The following NOX5 variants were observed in gnomAD, a reference collection of about 807,000 sequenced individuals.
NOX5 encodes the protein NADPH oxidase 5.
In NOX5, 76 loss-of-function variants were observed where a neutral mutation model predicts 85.7. The observed-to-expected ratio is 0.89, with a 90% CI of 0.74 to 1.07. The LOEUF (loss-of-function observed/expected upper bound fraction) is 1.07. Ranked by LOEUF, NOX5 falls within the 50% of genes least tolerant of loss-of-function variation. The pLI, the probability that NOX5 is intolerant of heterozygous loss-of-function variation, is 0.00. For missense variants in NOX5, 973 were observed against 999.5 expected (o/e 0.97, Z 0.36); for synonymous variants, 405 against 401.4 (o/e 1.01, Z -0.11).
chr15:69,047,247 G>A (rs928321801), intron 11 of NOX5, 166 bp from the exon 12 acceptor site: 135 of 798,872 alleles, frequency 1.7e-4, no homozygotes, highest in Non-Finnish European at 4.7e-5. Flanking sequence ...GAGAGCACAG[G>A]ATGTGGAAAG....
chr15:69,036,826 G>A (rs1256657336), intron 7 of NOX5, among the ~76,000 whole-genome samples: 1 of 152,128 alleles, frequency 6.6e-6, no homozygotes, highest in Non-Finnish European at 1.5e-5. Flanking sequence ...TCTGGTATCA[G>A]GAATCTTCCC....
Position 69,031,674 on chromosome 15 carries a change from T to C in NOX5, c.482T>C (p.Leu161Pro), listed in dbSNP as rs775877032. 1.9e-6 allele frequency: 3 copies of C among 1,613,378 alleles called. No individual in the cohort carries two copies. The highest frequency in any genetic ancestry group is 1.7e-6 in the Non-Finnish European group (2 of 1,179,920). The change falls in exon 4 of 16, where the codon CTG (leucine) becomes CCG (proline). Residue 161 changes from leucine to proline, a missense_variant. Coordinates refer to ENST00000388866, the MANE Select transcript of NOX5 (RefSeq NM_024505.4). ...QSCLRESAIS[L>P]PDEKLDQLTL... ...TGTCTGCGCGAGAGCGCCATCTCGCTGCCTGACGAGAAGCTGGACCAGCTG... is the reference window on the plus strand; with the variant it reads ...TGTCTGCGCGAGAGCGCCATCTCGCCGCCTGACGAGAAGCTGGACCAGCTG...
At chr15:69,054,488 C>T (rs1473724078) in intron 14 of NOX5, among the ~76,000 whole-genome samples, 1 of 152,208 alleles carries the variant, frequency 6.6e-6, no homozygotes, top group East Asian at 1.9e-4. Flanking sequence ...AGACCCTTCT[C>T]ATTCTGGCCT....
At position 69,028,129 on chromosome 15, in the gene NOX5, C is replaced by T. The variant is rs1041300616; in HGVS notation, c.175-86C>T. On this transcript the variant is annotated intron_variant, in intron 2 of 15. Coordinates refer to ENST00000388866, the MANE Select transcript of NOX5 (RefSeq NM_024505.4). Reference sequence around the variant, plus strand: ...TCTGTGGTGCACCCCCCCACCACCACCCCAGACACAGGGAGACAGTGAACA... The same window carrying T: ...TCTGTGGTGCACCCCCCCACCACCATCCCAGACACAGGGAGACAGTGAACA... 12 of 1,445,444 alleles carry T rather than the reference C, an allele frequency of 8.3e-6. No homozygotes were observed. In the Admixed American group the frequency reaches 9.0e-5, roughly 11 times the overall value. 89.5% of individuals were successfully genotyped at this position (1,445,444 alleles called of 1,614,324 possible).
In NOX5 at chr15:69,060,217, C is replaced by G. The variant is rs2050859776; in HGVS notation, c.*3521C>G. On this transcript the variant is annotated 3_prime_UTR_variant, in exon 16 of 16. Coordinates refer to ENST00000388866, the MANE Select transcript of NOX5 (RefSeq NM_024505.4). The stretch of plus-strand genomic sequence containing the variant: ...AAGTGCAGGCTATTAATACACTGAG[C>G]TGGGGCATTCGTGGGAGGGGAGGGG... The G allele has an allele frequency of 6.6e-6, 1 of 152,254 alleles. No homozygotes were observed. Among genetic ancestry groups the G allele is most frequent in the Non-Finnish European group, 1.5e-5 (1 of 68,070 alleles). 9.4% of individuals were successfully genotyped at this position (152,254 alleles called of 1,614,324 possible). A position where few individuals can be genotyped will look rare whatever the true frequency, so the allele number is the denominator to read the frequency against.
intron 14 of NOX5, among the ~76,000 whole-genome samples, chr15:69,049,639 T>C (rs2050722831): frequency 6.6e-6 from 1 of 152,176 alleles, no homozygotes; most frequent in Non-Finnish European, 1.5e-5. Context: ...TTTATTTTTG[T>C]AATTTATCTT....
chr15:69,038,025 A>G (rs1204289901), intron 8 of NOX5: 5 of 152,500 alleles, frequency 3.3e-5, no homozygotes, highest in Admixed American at 3.3e-4. Flanking sequence ...GTTCTTGCAA[A>G]TACAAAGATG....
At chr15:69,020,151 T>C (rs1240815592) in intron 1 of NOX5, among the ~76,000 whole-genome samples, 1 of 152,222 alleles carries the variant, frequency 6.6e-6, no homozygotes, top group African/African-American at 2.4e-5. Flanking sequence ...CAATACCTAA[T>C]AAAAGCATTT....
intron 2 of NOX5, among the ~76,000 whole-genome samples, chr15:69,027,041 C>T (rs1246166186): frequency 6.6e-6 from 1 of 152,116 alleles, no homozygotes; most frequent in African/African-American, 2.4e-5. Context: ...CTACCCTGCC[C>T]ACCCCACACA....
rs192145027 is a variant in NOX5, at chr15:69,053,797, G to T, written c.2000-1537G>T. ...CCTTCTCTCCTCTTACCCCTCTCTG[G>T]GGTATGGTGACTCTGAGGGAGGGTA... On this transcript the variant is annotated intron_variant, in intron 14 of 15. Transcript: ENST00000388866. Among the ~76,000 whole-genome samples the T allele has an allele frequency of 3.3e-5, 5 of 152,128 alleles. No homozygotes were observed. The East Asian group carries it at 7.7e-4, about 24-fold the overall frequency.
At chr15:69,021,349 C>CTTTT (rs59303957) in intron 1 of NOX5, among the ~76,000 whole-genome samples, 1 of 134,094 alleles carries the variant, frequency 7.5e-6, no homozygotes, top group Non-Finnish European at 1.6e-5. Flanking sequence ...CTTTTGAATT[C>CTTTT]TTTTTTTTTT....
chr15:69,030,573 G>T (rs1239632660), intron 3 of NOX5: 2 of 152,220 alleles, frequency 1.3e-5, no homozygotes, highest in African/African-American at 4.8e-5. Flanking sequence ...GGGCCAGGGG[G>T]AGACTGGTCC....
At chr15:69,042,514 A>G in intron 9 of NOX5, 149 bp from the exon 10 acceptor site, 1 of 745,346 alleles carries the variant, frequency 1.3e-6, no homozygotes, top group South Asian at 1.9e-5. Context: ...TCCTGTGGCT[A>G]TGGCTGCTAG....
At chr15:69,047,968 A>C in intron 13 of NOX5, 57 bp downstream of exon 13, 1 of 1,488,762 alleles carries the variant, frequency 6.7e-7, no homozygotes, top group Non-Finnish European at 9.4e-7. Context: ...ACAACTCCTA[A>C]AATAGGAGCC....
intron 14 of NOX5, among the ~76,000 whole-genome samples, chr15:69,052,533 G>T (rs2050762241): frequency 1.3e-5 from 2 of 152,182 alleles, no homozygotes; most frequent in African/African-American, 2.4e-5. Context: ...TAGTGTTTTA[G>T]ACTTGTTGAG....
chr15:69,028,480 C>A, intron 3 of NOX5, 115 bp downstream of exon 3: 1 of 1,034,228 alleles, frequency 9.7e-7, no homozygotes, highest in Non-Finnish European at 1.4e-6. Context: ...TGAGCCCAGC[C>A]TGGGACTGGT....
At position 69,056,249 on chromosome 15, in the gene NOX5, G is replaced by A. The variant is rs569425791; in HGVS notation, c.2167-316G>A. Among the ~76,000 whole-genome samples the A allele has an allele frequency of 3.3e-4, 51 of 152,260 alleles. No individual in the cohort carries two copies. In the South Asian group the frequency reaches 3.5e-3, roughly 11 times the overall value. On this transcript the variant is annotated intron_variant, in intron 15 of 15. Coordinates refer to ENST00000388866, the MANE Select transcript of NOX5 (RefSeq NM_024505.4). ...CAGAGCACTGTATGCATCTCTCTGC[G>A]TGTCTGATTTAGTGCCTGTCTCCCA... is the stretch of plus-strand genomic sequence containing the variant.
intron 1 of NOX5, chr15:69,022,180 C>T (rs965475128): frequency 1.8e-5 from 3 of 164,876 alleles, no homozygotes; most frequent in African/African-American, 7.2e-5. Flanking sequence ...ATAGTGAAAG[C>T]CATTTGCGCT....
intron 1 of NOX5, among the ~76,000 whole-genome samples, chr15:69,017,334 T>A (rs1006860454): frequency 2.6e-5 from 4 of 151,978 alleles, no homozygotes; most frequent in Admixed American, 6.6e-5. Flanking sequence ...GTATTTTTAG[T>A]AGAAATGGGG....
Sources: gnomAD v4.1 joint callset for allele counts (sites outside exome capture counted in the v4.1 genomes callset) on GRCh38, gnomAD v4.1.1 for gene constraint, MANE v1.5 for transcripts, NCBI Gene and HGNC (gene_info 2026-07-23, HGNC 2026-07-21) for gene names.